NEK11: variants seen among roughly 807,000 people sequenced by gnomAD.
NEK11 encodes the protein NIMA related kinase 11, also known as serine/threonine-protein kinase Nek11.
A neutral mutation model predicts 80.7 loss-of-function variants in NEK11; 72 were observed. The ratio of observed to expected loss-of-function variants is 0.89; its 90% CI spans 0.74 to 1.08. NEK11 has a LOEUF of 1.08. Among genes scored for constraint, NEK11 ranks in the 50% least tolerant of loss-of-function variants. The pLI is 0.00. For synonymous variants in NEK11, 251 were observed against 260.7 expected, an observed-to-expected ratio of 0.96 and a Z score of 0.36; for missense variants, 764 against 763.6, an observed-to-expected ratio of 1.00 and a Z score of -0.01.
At chr3:131,222,734 T>C (rs953413170) in intron 14 of NEK11, among the ~76,000 whole-genome samples, 1 of 152,320 alleles carries the variant, frequency 6.6e-6, no homozygotes, top group Non-Finnish European at 1.5e-5. Context: ...ACCAGCAGCA[T>C]CAGCATCAGC....
intron 14 of NEK11, among the ~76,000 whole-genome samples, chr3:131,195,605 G>A (rs77825721): frequency 6.6e-6 from 1 of 151,954 alleles, no homozygotes; most frequent in African/African-American, 2.4e-5. Flanking sequence ...CACCCGCAGG[G>A]CTACTGCATA....
chr3:131,160,072 A>T (rs140841666), intron 10 of NEK11, among the ~76,000 whole-genome samples: 1,759 of 152,340 alleles, frequency 0.012, 39 homozygotes, highest in African/African-American at 0.04. Flanking sequence ...CAGAAAATGC[A>T]GAGAGCCTCA....
intron 3 of NEK11, among the ~76,000 whole-genome samples, chr3:131,041,568 G>T (rs1208825986): frequency 6.6e-6 from 1 of 152,098 alleles, no homozygotes; most frequent in African/African-American, 2.4e-5. Flanking sequence ...ATATGTGTGT[G>T]TGTATGTGTG....
intron 15 of NEK11, among the ~76,000 whole-genome samples, chr3:131,232,383 A>G (rs1230549809): frequency 1.3e-5 from 2 of 152,200 alleles, no homozygotes; most frequent in Non-Finnish European, 2.9e-5. Flanking sequence ...TTTCTCTCCA[A>G]GACTAATAAA....
Position 131,029,736 on chromosome 3 carries a change from T to C in NEK11, c.28T>C (p.Cys10Arg). 6.2e-7 allele frequency: 1 copy of C among 1,614,192 alleles called. No homozygotes were observed. The highest frequency in any genetic ancestry group is 8.5e-7 in the Non-Finnish European group (1 of 1,180,016). ...GCTGAAATTCCAAGAGGCAGCTAAG[T>C]GTGTGAGTGGATCAACAGCCATTTC... MLKFQEAAK[C>R]VSGSTAISTY... is the part of the protein sequence containing the mutation. Residue 10 changes from cysteine to arginine, a missense_variant, in exon 3 of 18, where the codon TGT (cysteine) becomes CGT (arginine). By Grantham distance (180) the Cys-to-Arg change is radical. Transcript: ENST00000383366.
intron 17 of NEK11, among the ~76,000 whole-genome samples, chr3:131,301,900 T>C (rs1055635379): frequency 6.6e-6 from 1 of 152,106 alleles, no homozygotes; most frequent in African/African-American, 2.4e-5. Flanking sequence ...CCCTCCTCCT[T>C]AATTTTTTGG....
intron 7 of NEK11, among the ~76,000 whole-genome samples, chr3:131,145,065 A>G (rs2087849175): frequency 6.6e-6 from 1 of 152,092 alleles, no homozygotes; most frequent in Non-Finnish European, 1.5e-5. Context: ...GTGCAGTTGT[A>G]CAATCATAGC....
At chr3:131,030,425 G>A (rs1413400940) in intron 3 of NEK11, among the ~76,000 whole-genome samples, 1 of 152,194 alleles carries the variant, frequency 6.6e-6, no homozygotes, top group South Asian at 2.1e-4. Flanking sequence ...AAAATAAGAT[G>A]TTTGGGCATG....
chr3:131,103,483 T>C (rs2078701876), intron 4 of NEK11, among the ~76,000 whole-genome samples: 1 of 152,210 alleles, frequency 6.6e-6, no homozygotes, highest in African/African-American at 2.4e-5. Context: ...TAGATGAAGC[T>C]TAAGCGTATT....
intron 5 of NEK11, among the ~76,000 whole-genome samples, chr3:131,126,812 TA>T (rs1307159752): frequency 3.9e-5 from 6 of 152,244 alleles, no homozygotes; most frequent in Middle Eastern, 3.4e-3. Flanking sequence ...TTACAATGCT[TA>T]AAGATGTATG....
intron 14 of NEK11, among the ~76,000 whole-genome samples, chr3:131,203,323 G>A (rs1023037449): frequency 2.0e-4 from 30 of 150,998 alleles, no homozygotes; most frequent in Admixed American, 4.0e-4. Context: ...GCAAACTATC[G>A]CAAGGACAAA....
intron 14 of NEK11, among the ~76,000 whole-genome samples, chr3:131,198,607 T>C (rs2094115996): frequency 6.6e-6 from 1 of 152,208 alleles, no homozygotes; most frequent in African/African-American, 2.4e-5. Flanking sequence ...CCGTAAACAA[T>C]GTGGCCAACT....
At chr3:131,230,725 G>C (rs2095313053) in intron 15 of NEK11, among the ~76,000 whole-genome samples, 1 of 152,124 alleles carries the variant, frequency 6.6e-6, no homozygotes, top group Non-Finnish European at 1.5e-5. Flanking sequence ...ATGACAGATT[G>C]TGATTGATTT....
At chr3:131,333,316 C>T (rs925139320) in intron 17 of NEK11, among the ~76,000 whole-genome samples, 6 of 152,188 alleles carry the variant, frequency 3.9e-5, no homozygotes, top group Non-Finnish European at 5.9e-5. Context: ...CAATATTCAA[C>T]ATTCTTAAAG....
chr3:131,090,351 T>C (rs1431299564), intron 4 of NEK11, among the ~76,000 whole-genome samples: 2 of 152,238 alleles, frequency 1.3e-5, no homozygotes, highest in East Asian at 1.9e-4. Context: ...AAGTCTTTTA[T>C]TGCAACCTTC....
Position 131,027,827 on chromosome 3 carries a change from A to G in NEK11, c.-169-103A>G, listed in dbSNP as rs1391326977. 1.4e-4 allele frequency: 21 copies of G among 150,680 alleles called. 1 individual carries two copies. The highest frequency in any genetic ancestry group is 1.4e-3 in the Admixed American group (21 of 15,104). The allele number at this position is 150,680 out of a possible 1,614,324, so 9.3% of individuals were successfully genotyped here. On this transcript the variant is annotated intron_variant, in intron 1 of 17. Transcript: ENST00000383366. ...CCCAGAGTCTTCTGCAGCCTGGACC[A>G]GACTACTTAAGCACTGCTGGGTTTA...
At chr3:131,093,330 G>T (rs192322671) in intron 4 of NEK11, among the ~76,000 whole-genome samples, 1 of 152,258 alleles carries the variant, frequency 6.6e-6, no homozygotes, top group Admixed American at 6.5e-5. Context: ...TAATTTAGCT[G>T]CAAAACCCTC....
At chr3:131,237,515 T>A (rs1214080366) in intron 15 of NEK11, among the ~76,000 whole-genome samples, 1 of 152,156 alleles carries the variant, frequency 6.6e-6, no homozygotes, top group Non-Finnish European at 1.5e-5. Context: ...GATTGACATC[T>A]CCTAAATGTG....
chr3:131,114,038 G>A (rs1252104345), intron 5 of NEK11, among the ~76,000 whole-genome samples: 1 of 151,934 alleles, frequency 6.6e-6, no homozygotes, highest in Non-Finnish European at 1.5e-5. Context: ...GAGGAAGTTG[G>A]AGTGAGGAGG....
Sources: gnomAD v4.1 joint callset for allele counts (sites outside exome capture counted in the v4.1 genomes callset) on GRCh38, gnomAD v4.1.1 for gene constraint, MANE v1.5 for transcripts, NCBI Gene and HGNC (gene_info 2026-07-23, HGNC 2026-07-21) for gene names.